The following MATN2 variants were observed in gnomAD, a reference collection of about 807,000 sequenced individuals.
MATN2 encodes matrilin 2.
Under a neutral mutation model 103.2 loss-of-function variants are expected in MATN2, and 69 were observed. The ratio of observed to expected loss-of-function variants is 0.67; its 90% confidence interval spans 0.55 to 0.82. MATN2 has a LOEUF of 0.82. Ranked by LOEUF, MATN2 falls within the 40% of genes least tolerant of loss-of-function variation. The pLI, the probability that MATN2 is intolerant of heterozygous loss-of-function variation, is 0.00. For synonymous variants in MATN2, 429 were observed against 450.2 expected (o/e 0.95, Z 0.60); for missense variants, 1,023 against 1,211.5 (o/e 0.84, Z 2.31).
intron 2 of MATN2, among the ~76,000 whole-genome samples, chr8:97,922,165 G>T (rs1345282377): frequency 6.6e-6 from 1 of 152,220 alleles, no homozygotes; most frequent in Non-Finnish European, 1.5e-5. Flanking sequence ...TACCAAAAAG[G>T]TTGGGGACTG....
intron 5 of MATN2, among the ~76,000 whole-genome samples, chr8:97,973,785 G>A (rs1445743790): frequency 6.6e-6 from 1 of 151,980 alleles, no homozygotes; most frequent in Non-Finnish European, 1.5e-5. Flanking sequence ...TCCCAGGCTG[G>A]TCTCGAACCC....
intron 10 of MATN2, among the ~76,000 whole-genome samples, chr8:98,009,147 T>A (rs778051780): frequency 6.6e-6 from 1 of 152,244 alleles, no homozygotes; most frequent in Non-Finnish European, 1.5e-5. Context: ...GATAGTCAGA[T>A]AAGTGAGAAT....
intron 4 of MATN2, among the ~76,000 whole-genome samples, chr8:97,943,448 A>ACCT (rs376896350): frequency 5.6e-5 from 7 of 125,282 alleles, no homozygotes; most frequent in African/African-American, 2.2e-4. Context: ...CTCCTCCTCC[A>ACCT]CCTCCTCCTC....
intron 12 of MATN2, among the ~76,000 whole-genome samples, chr8:98,019,214 TACAC>T (rs139740649): frequency 4.7e-5 from 7 of 149,728 alleles, no homozygotes; most frequent in East Asian, 2.0e-4. Flanking sequence ...AAAATGGACA[TACAC>T]ACACACACAC....
At chr8:97,975,499 T>C (rs921195036) in intron 5 of MATN2, among the ~76,000 whole-genome samples, 1 of 152,160 alleles carries the variant, frequency 6.6e-6, no homozygotes, top group African/African-American at 2.4e-5. Context: ...TACCCCATGG[T>C]GTAAGAGAGG....
intron 6 of MATN2, among the ~76,000 whole-genome samples, chr8:97,993,480 CA>C (rs1398457376): frequency 7.1e-6 from 1 of 141,322 alleles, no homozygotes; most frequent in African/African-American, 2.9e-5. Context: ...AATACTTATA[CA>C]AAAAATACAA....
intron 3 of MATN2, among the ~76,000 whole-genome samples, chr8:97,932,619 C>T (rs1047385430): frequency 2.0e-5 from 3 of 152,226 alleles, no homozygotes; most frequent in Non-Finnish European, 2.9e-5. Flanking sequence ...CCCCACTCTT[C>T]TCAGCAGGTC....
chr8:97,993,239 C>T (rs1812458586), intron 6 of MATN2, among the ~76,000 whole-genome samples: 1 of 151,892 alleles, frequency 6.6e-6, no homozygotes, highest in Non-Finnish European at 1.5e-5. Context: ...AGTTTGTTTC[C>T]TCTGGTATGG....
chr8:97,914,358 CTTTTTTTTTTTTT>C (rs149996231), intron 2 of MATN2, among the ~76,000 whole-genome samples: 20 of 52,994 alleles, frequency 3.8e-4, no homozygotes, highest in African/African-American at 7.4e-4. Context: ...AAATCCAGAC[CTTTTTTTTTTTTT>C]TTTTTTTTTT....
chr8:97,987,411 C>T (rs1269634414), intron 6 of MATN2, among the ~76,000 whole-genome samples: 1 of 152,034 alleles, frequency 6.6e-6, no homozygotes, highest in Non-Finnish European at 1.5e-5. Context: ...CAAACCTGCA[C>T]ATCCTGCACA....
rs900815780 is a variant in MATN2, at chr8:97,938,994, C to G, written c.713-2783C>G. 1.8e-4 allele frequency among the ~76,000 whole-genome samples: 27 copies of G among 152,024 alleles called. 1 individual carries two copies. The highest frequency in any genetic ancestry group is 4.2e-4 in the South Asian group (2 of 4,818). Reference sequence around the variant, plus strand: ...AAGCAATTCTCCCGCCTCAGCCTCCCGAGTAGCTGGGATTACAGGCACCTG... The same window carrying G: ...AAGCAATTCTCCCGCCTCAGCCTCCGGAGTAGCTGGGATTACAGGCACCTG... On this transcript the variant is annotated intron_variant, in intron 3 of 18. Coordinates refer to ENST00000254898, the MANE Select transcript of MATN2 (RefSeq NM_002380.5).
At chr8:98,024,590 G>A (rs949096472) in intron 13 of MATN2, among the ~76,000 whole-genome samples, 3 of 152,226 alleles carry the variant, frequency 2.0e-5, no homozygotes, top group African/African-American at 7.2e-5. Flanking sequence ...TGGGGCTTTC[G>A]TGGTAAGGTG....
chr8:97,950,461 G>A (rs1241657216), intron 4 of MATN2, among the ~76,000 whole-genome samples: 2 of 152,062 alleles, frequency 1.3e-5, no homozygotes, highest in East Asian at 3.9e-4. Context: ...GGGCAGGGAT[G>A]CCTTCACTCA....
chr8:97,955,954 T>C (rs1811130753), intron 4 of MATN2, among the ~76,000 whole-genome samples: 1 of 152,232 alleles, frequency 6.6e-6, no homozygotes, highest in Non-Finnish European at 1.5e-5. Flanking sequence ...GATGTCATTG[T>C]GTTCTTGATG....
chr8:97,892,537 A>T (rs995842197), intron 2 of MATN2, among the ~76,000 whole-genome samples: 8 of 152,094 alleles, frequency 5.3e-5, no homozygotes, highest in Admixed American at 1.3e-4. Context: ...ATCTGTCATG[A>T]AATGTTTTCG....
At chr8:97,904,440 C>T (rs555110819) in intron 2 of MATN2, among the ~76,000 whole-genome samples, 2 of 152,186 alleles carry the variant, frequency 1.3e-5, no homozygotes, top group Admixed American at 1.3e-4. Context: ...ATTCTTTAAC[C>T]AAAGGTGCCC....
At chr8:98,015,729 C>T (rs1292003169) in intron 10 of MATN2, among the ~76,000 whole-genome samples, 3 of 152,170 alleles carry the variant, frequency 2.0e-5, no homozygotes, top group African/African-American at 7.2e-5. Flanking sequence ...TGACATATCA[C>T]ATATTTGTCT....
intron 12 of MATN2, among the ~76,000 whole-genome samples, chr8:98,019,576 C>T (rs1182008150): frequency 6.6e-6 from 1 of 152,172 alleles, no homozygotes; most frequent in African/African-American, 2.4e-5. Context: ...AACAACTGGG[C>T]ACTATAGCCT....
At chr8:97,961,864 T>C (rs1241452425) in intron 5 of MATN2, among the ~76,000 whole-genome samples, 2 of 152,210 alleles carry the variant, frequency 1.3e-5, no homozygotes, top group Non-Finnish European at 2.9e-5. Flanking sequence ...GACTTATATA[T>C]AGCTCAGGTG....
Sources: allele counts gnomAD v4.1 joint callset (sites outside exome capture counted in the v4.1 genomes callset), GRCh38; gene constraint gnomAD v4.1.1; transcripts MANE v1.5; gene names NCBI Gene and HGNC (gene_info 2026-07-23, HGNC 2026-07-21).